Variants in PDXK observed in about 807,000 individuals in gnomAD.
PDXK encodes epididymis secretory sperm binding protein Li 1a.
Under a neutral mutation model 43.2 loss-of-function variants are expected in PDXK, and 15 were observed. The ratio of observed to expected loss-of-function variants is 0.35; its 90% confidence interval spans 0.23 to 0.53. PDXK has a LOEUF of 0.53. Ranked by LOEUF, PDXK falls within the 20% of genes least tolerant of loss-of-function variation. The pLI, the probability that PDXK is intolerant of heterozygous loss-of-function variation, is 0.92. For missense variants in PDXK, 343 were observed against 417.0 expected (o/e 0.82, Z 1.54); for synonymous variants, 172 against 165.4 (o/e 1.04, Z -0.31).
At chr21:43,746,528 T>C (rs1490393299) in intron 5 of PDXK, among the ~76,000 whole-genome samples, 4 of 152,164 alleles carry the variant, frequency 2.6e-5, no homozygotes, top group African/African-American at 9.7e-5. Flanking sequence ...CAGGCAATTC[T>C]TAATGCCTCA....
rs894473857 is a variant in PDXK, at chr21:43,757,858, A to G, written c.*1795A>G. The stretch of plus-strand genomic sequence containing the variant: ...CTGGCGGGGAGGCGGCCTCCCCAGT[A>G]TGTGAGTGCAGGGATCTGCCAGAAC... On this transcript the variant is annotated 3_prime_UTR_variant, in exon 11 of 11. Transcript: ENST00000291565. 7.2e-5 allele frequency: 11 copies of G among 152,230 alleles called. No individual in the cohort carries two copies. The highest frequency in any genetic ancestry group is 2.7e-4 in the African/African-American group (11 of 41,446). The allele number at this position is 152,230 out of a possible 1,614,324, so 9.4% of individuals were successfully genotyped here.
intron 1 of PDXK, among the ~76,000 whole-genome samples, chr21:43,726,083 C>A (rs2083250416): frequency 6.6e-6 from 1 of 152,002 alleles, no homozygotes; most frequent in Non-Finnish European, 1.5e-5. Flanking sequence ...GTGTCCCAAT[C>A]CAGGAAACAG....
At chr21:43,733,945 C>T (rs1448570732) in intron 1 of PDXK, 124 bp from the exon 2 acceptor site, 6 of 897,310 alleles carry the variant, frequency 6.7e-6, no homozygotes, top group Non-Finnish European at 1.1e-5. Context: ...CTCCAGCCTG[C>T]AGCTGGGGGC....
chr21:43,724,660 A>T (rs2083236219), intron 1 of PDXK, among the ~76,000 whole-genome samples: 1 of 150,848 alleles, frequency 6.6e-6, no homozygotes, highest in East Asian at 2.0e-4. Context: ...TGGGCAACAT[A>T]GCAAGACTCC....
chr21:43,740,040 C>T lies in PDXK; in HGVS notation c.143-1627C>T, dbSNP rs1325535880. 4.0e-5 allele frequency among the ~76,000 whole-genome samples: 6 copies of T among 151,796 alleles called. No individual in the cohort carries two copies. In the East Asian group the frequency reaches 1.2e-3, roughly 29 times the overall value. On this transcript the variant is annotated intron_variant, in intron 2 of 10. Transcript: ENST00000291565. Reference sequence around the variant, plus strand: ...ACCCCAGTGACTGTTAACCCAGAGTCCATCAGGGGCTTGGTCTCTGGCAGA... The same window carrying T: ...ACCCCAGTGACTGTTAACCCAGAGTTCATCAGGGGCTTGGTCTCTGGCAGA...
intron 9 of PDXK, 74 bp downstream of exon 9, chr21:43,753,793 G>A (rs2083798678): frequency 1.2e-5 from 18 of 1,486,160 alleles, no homozygotes; most frequent in Non-Finnish European, 1.6e-5. Flanking sequence ...TGAGAGTCCT[G>A]GTGGGGGGTC....
At position 43,749,099 on chromosome 21, in the gene PDXK, TTTTAC is replaced by T. The variant is rs1205320033; in HGVS notation, c.464+24_464+28del. 1 of 1,463,124 alleles carries T rather than the reference TTTTAC, an allele frequency of 6.8e-7. No individual in the cohort carries two copies. Among genetic ancestry groups the T allele is most frequent in the Admixed American group, 1.7e-5 (1 of 57,772 alleles). 90.6% of individuals were successfully genotyped at this position (1,463,124 alleles called of 1,614,324 possible). A position where few individuals can be genotyped will look rare whatever the true frequency, so the allele number is the denominator to read the frequency against. ...AGGCCGAGTAAGTCATTTTATTTTATTTTACTTTATTTATTTATTTTTCAAGATGG... is the reference window on the plus strand; with the variant it reads ...AGGCCGAGTAAGTCATTTTATTTTATTTTATTTATTTATTTTTCAAGATGG... On this transcript the variant is annotated intron_variant, in intron 6 of 10. Coordinates refer to ENST00000291565, the MANE Select transcript of PDXK (RefSeq NM_003681.5).
chr21:43,752,723 G>C lies in PDXK; in HGVS notation c.622+94G>C, dbSNP rs1045735007. 5 of 762,472 alleles carry C rather than the reference G, an allele frequency of 6.6e-6. No individual in the cohort carries two copies. In the African/African-American group the frequency reaches 8.6e-5, roughly 13 times the overall value. The allele number at this position is 762,472 out of a possible 1,614,324, so 47.2% of individuals were successfully genotyped here. On this transcript the variant is annotated intron_variant, in intron 8 of 10. Transcript: ENST00000291565. ...AAGAATGTTTTGGGTTCAATAGCAT[G>C]AAATTTAAGCCTTATCCAGCACCGG...
intron 2 of PDXK, among the ~76,000 whole-genome samples, chr21:43,736,193 C>A (rs1233043106): frequency 2.6e-5 from 4 of 152,182 alleles, no homozygotes; most frequent in Admixed American, 2.6e-4. Flanking sequence ...ACCAAACTCA[C>A]CTCCAGGAAG....
Position 43,753,627 on chromosome 21 carries a change from A to G in PDXK, c.667A>G (p.Ile223Val). The change falls in exon 9 of 11, where the codon ATT (isoleucine) becomes GTT (valine). Residue 223 changes from isoleucine (I) to valine (V), a missense_variant. Physicochemically the swap from Ile to Val is conservative, Grantham distance 29. Coordinates refer to ENST00000291565, the MANE Select transcript of PDXK (RefSeq NM_003681.5). Reference sequence around the variant, plus strand: ...GGTGATGGAACGCATCCGGATGGACATTCGCAAAGTGGACGCCGTCTTTGT... The same window carrying G: ...GGTGATGGAACGCATCCGGATGGACGTTCGCAAAGTGGACGCCGTCTTTGT... Reference protein sequence around the residue: ...SVVMERIRMDIRKVDAVFVGT... With the variant: ...SVVMERIRMDVRKVDAVFVGT... 1 of 1,613,654 alleles carries G rather than the reference A, an allele frequency of 6.2e-7. No homozygotes were observed. Among genetic ancestry groups the G allele is most frequent in the Non-Finnish European group, 8.5e-7 (1 of 1,179,712 alleles).
chr21:43,749,098 ATTTTAC>A lies in PDXK; in HGVS notation c.464+22_464+27del. On this transcript the variant is annotated intron_variant, in intron 6 of 10. Transcript: ENST00000291565. ...GAGGCCGAGTAAGTCATTTTATTTTATTTTACTTTATTTATTTATTTTTCAAGATGG... is the reference window on the plus strand; with the variant it reads ...GAGGCCGAGTAAGTCATTTTATTTTATTTATTTATTTATTTTTCAAGATGG... 6.8e-7 allele frequency: 1 copy of A among 1,463,206 alleles called. No individual in the cohort carries two copies. Among genetic ancestry groups the A allele is most frequent in the Non-Finnish European group, 9.5e-7 (1 of 1,050,426 alleles). The allele number at this position is 1,463,206 out of a possible 1,614,324, so 90.6% of individuals were successfully genotyped here.
In PDXK at chr21:43,736,834, T is replaced by C. The variant is rs1174723158; in HGVS notation, c.142+2711T>C. 2.5e-5 allele frequency: 17 copies of C among 675,408 alleles called. No individual in the cohort carries two copies. In the South Asian group the frequency reaches 2.7e-4, roughly 11 times the overall value. 41.8% of individuals were successfully genotyped at this position (675,408 alleles called of 1,614,324 possible). A position where few individuals can be genotyped will look rare whatever the true frequency, so the allele number is the denominator to read the frequency against. On this transcript the variant is annotated intron_variant, in intron 2 of 10. Coordinates refer to ENST00000291565, the MANE Select transcript of PDXK (RefSeq NM_003681.5). ...TTTTCATAGAGACGGAGTCTCACTA[T>C]GTTGCCCAAGGTGGTCTTGAACTCC...
intron 1 of PDXK, among the ~76,000 whole-genome samples, chr21:43,720,480 G>A (rs780309699): frequency 2.3e-4 from 35 of 152,336 alleles, no homozygotes; most frequent in Non-Finnish European, 4.3e-4. Flanking sequence ...GCTGAGCAGA[G>A]TTGAGCGTGG....
At position 43,732,499 on chromosome 21, in the gene PDXK, A is replaced by G; in HGVS notation, c.88-1570A>G. 6.6e-7 allele frequency: 1 copy of G among 1,503,920 alleles called. No homozygotes were observed. Among genetic ancestry groups the G allele is most frequent in the Non-Finnish European group, 9.3e-7 (1 of 1,080,410 alleles). 93.2% of individuals were successfully genotyped at this position (1,503,920 alleles called of 1,614,324 possible). ...TCAGCTTGCTCGTGCTCTCATTTAAAAGCAGAAAATAGCGACTTCATTCTC... is the reference window on the plus strand; with the variant it reads ...TCAGCTTGCTCGTGCTCTCATTTAAGAGCAGAAAATAGCGACTTCATTCTC... On this transcript the variant is annotated intron_variant, in intron 1 of 10. Transcript: ENST00000291565. The surrounding 1 kb of genome is among the most constrained non-coding windows in gnomAD (Gnocchi z 4.1).
intron 1 of PDXK, among the ~76,000 whole-genome samples, chr21:43,722,122 T>A (rs2083210836): frequency 6.6e-6 from 1 of 152,214 alleles, no homozygotes; most frequent in South Asian, 2.1e-4. Flanking sequence ...GGATGCACCC[T>A]GGGGTGGGGC....
At chr21:43,722,388 G>A (rs2083213266) in intron 1 of PDXK, among the ~76,000 whole-genome samples, 1 of 152,210 alleles carries the variant, frequency 6.6e-6, no homozygotes, top group Non-Finnish European at 1.5e-5. Flanking sequence ...GGCCCTCAGG[G>A]CAGCCTCCCA....
rs373719006 is a variant in PDXK, at chr21:43,753,167, CAT to C, written c.623-414_623-413del. On this transcript the variant is annotated intron_variant, in intron 8 of 10. Coordinates refer to ENST00000291565, the MANE Select transcript of PDXK (RefSeq NM_003681.5). Reference sequence around the variant, plus strand: ...GGGCACACACGTGGACATGGGCACACATAGGCATACATGCACACATACACACG... The same window carrying C: ...GGGCACACACGTGGACATGGGCACACAGGCATACATGCACACATACACACG... 1.9e-4 allele frequency among the ~76,000 whole-genome samples: 29 copies of C among 152,272 alleles called. No homozygotes were observed. The South Asian group carries it at 4.8e-3, about 25-fold the overall frequency.
In PDXK at chr21:43,737,353, C is replaced by T. The variant is rs1031666103; in HGVS notation, c.142+3230C>T. The T allele has an allele frequency of 1.7e-5, 22 of 1,294,550 alleles. No individual in the cohort carries two copies. The South Asian group carries it at 1.7e-4, about 10-fold the overall frequency. 80.2% of individuals were successfully genotyped at this position (1,294,550 alleles called of 1,614,324 possible). ...CGGCCAGGCCCCCGTTCCTTGAGGC[C>T]GTACCACAAGGTGCGTTCATTTTTC... On this transcript the variant is annotated intron_variant, in intron 2 of 10. Transcript: ENST00000291565. This position sits in a 1 kb window ranked among gnomAD's most constrained non-coding sequence, Gnocchi z 4.8.
chr21:43,750,433 G>A lies in PDXK; in HGVS notation c.465-67G>A. On this transcript the variant is annotated intron_variant, in intron 6 of 10. Coordinates refer to ENST00000291565, the MANE Select transcript of PDXK (RefSeq NM_003681.5). Reference sequence around the variant, plus strand: ...CCAGAGCCGCTGCGGTTTGGGGAATGTCAACACACAACCCGGAGAGGAGAG... The same window carrying A: ...CCAGAGCCGCTGCGGTTTGGGGAATATCAACACACAACCCGGAGAGGAGAG... 3 of 1,410,534 alleles carry A rather than the reference G, an allele frequency of 2.1e-6. No homozygotes were observed. The Admixed American group carries it at 5.6e-5, about 26-fold the overall frequency. 87.4% of individuals were successfully genotyped at this position (1,410,534 alleles called of 1,614,324 possible).
Sources: gnomAD v4.1 joint callset for allele counts (sites outside exome capture counted in the v4.1 genomes callset) on GRCh38, gnomAD v4.1.1 for gene constraint, Gnocchi (gnomAD v3.1) non-coding constraint, MANE v1.5 for transcripts, NCBI Gene and HGNC (gene_info 2026-07-23, HGNC 2026-07-21) for gene names.